PHKB: variants seen among roughly 807,000 people sequenced by gnomAD.
The protein encoded by PHKB is phosphorylase b kinase regulatory subunit beta.
In PHKB, 122 loss-of-function variants were observed where a neutral mutation model predicts 152.1. The ratio of observed to expected loss-of-function variants is 0.80; its 90% confidence interval spans 0.69 to 0.93. The LOEUF (loss-of-function observed/expected upper bound fraction) is 0.93. Ranked by LOEUF, PHKB falls within the 40% of genes least tolerant of loss-of-function variation. The pLI, the probability that PHKB is intolerant of heterozygous loss-of-function variation, is 0.00. For missense variants in PHKB, 1,304 were observed against 1,328.4 expected (o/e 0.98, Z 0.29); for synonymous variants, 436 against 464.9 (o/e 0.94, Z 0.80).
At position 47,461,367 on chromosome 16, in the gene PHKB, G is replaced by C; in HGVS notation, c.17G>C (p.Gly6Ala). ...CGGAGCGCGATGGCGGGGGCGGCGG[G>C]ACTCACGGCAGAAGTGAGCTGGAAG... MAGAA[G>A]LTAEVSWKVL... Residue 6 changes from glycine (G) to alanine (A), a missense_variant, in exon 1 of 31, where the codon GGA (glycine) becomes GCA (alanine). Physicochemically the swap from Gly to Ala is moderately conservative, Grantham distance 60. Coordinates refer to ENST00000323584, the MANE Select transcript of PHKB (RefSeq NM_000293.3). 1 of 1,611,778 alleles carries C rather than the reference G, an allele frequency of 6.2e-7. No homozygotes were observed. The highest frequency in any genetic ancestry group is 8.5e-7 in the Non-Finnish European group (1 of 1,179,470).
chr16:47,698,272 T>C (rs1457592521), intron 29 of PHKB, among the ~76,000 whole-genome samples, 176 bp from the exon 30 acceptor site: 1 of 152,208 alleles, frequency 6.6e-6, no homozygotes, highest in Non-Finnish European at 1.5e-5. Context: ...AGGTGCACTT[T>C]CCAAACAGAA....
At chr16:47,474,769 G>C (rs1040171615) in intron 1 of PHKB, among the ~76,000 whole-genome samples, 3 of 150,708 alleles carry the variant, frequency 2.0e-5, no homozygotes, top group African/African-American at 7.3e-5. Flanking sequence ...TTGTTGCTCA[G>C]GCTAGAGTGC....
In PHKB at chr16:47,664,980, C is replaced by A. The variant is rs761830512; in HGVS notation, c.2427+5C>A. The A allele has an allele frequency of 1.8e-5, 28 of 1,590,130 alleles. 1 individual carries two copies. In the South Asian group the frequency reaches 2.8e-4, roughly 16 times the overall value. On this transcript the variant is annotated splice_donor_5th_base_variant and intron_variant, in intron 25 of 30. Coordinates refer to ENST00000323584, the MANE Select transcript of PHKB (RefSeq NM_000293.3). ...TTTCTGGTACATGGGAAACAGGTAA[C>A]ATGCACAGAATTTGAAAACCCAAGC...
rs145835922 is a variant in PHKB, at chr16:47,486,096, C to G, written c.77-11303C>G. ...ATTAGATATTGTTCCTGTAATTGAT[C>G]GTCTTCCAATGTAGTATGGAAAATA... is the stretch of plus-strand genomic sequence containing the variant. On this transcript the variant is annotated intron_variant, in intron 1 of 30. Coordinates refer to ENST00000323584, the MANE Select transcript of PHKB (RefSeq NM_000293.3). Among the ~76,000 whole-genome samples, 175 of 152,136 alleles carry G rather than the reference C, an allele frequency of 1.2e-3. 2 individuals carry two copies. Among genetic ancestry groups the G allele is most frequent in the Non-Finnish European group, 2.0e-3 (133 of 68,012 alleles).
chr16:47,690,429 A>G (rs1358753486), intron 27 of PHKB, among the ~76,000 whole-genome samples: 1 of 152,214 alleles, frequency 6.6e-6, no homozygotes, highest in Non-Finnish European at 1.5e-5. Context: ...TAAAAACAAC[A>G]CTTTGTATGG....
At chr16:47,527,426 C>T (rs1423188843) in intron 6 of PHKB, among the ~76,000 whole-genome samples, 1 of 151,950 alleles carries the variant, frequency 6.6e-6, no homozygotes, top group Non-Finnish European at 1.5e-5. Context: ...AAACTGACCT[C>T]TTAAAAAATT....
At chr16:47,533,544 G>T (rs191076033) in intron 6 of PHKB, among the ~76,000 whole-genome samples, 1 of 152,332 alleles carries the variant, frequency 6.6e-6, no homozygotes, top group Non-Finnish European at 1.5e-5. Context: ...CCCAGAGTCT[G>T]GAGGGGGCCG....
chr16:47,576,566 C>T (rs1567312820), intron 7 of PHKB, among the ~76,000 whole-genome samples: 1 of 152,168 alleles, frequency 6.6e-6, no homozygotes, highest in Non-Finnish European at 1.5e-5. Flanking sequence ...GAAAAGTGTG[C>T]AAGTATCCAA....
chr16:47,632,644 A>C (rs1296196872), intron 14 of PHKB, among the ~76,000 whole-genome samples: 1 of 152,222 alleles, frequency 6.6e-6, no homozygotes, highest in African/African-American at 2.4e-5. Context: ...ATGTCACCAA[A>C]AACTTTTTCA....
At chr16:47,502,906 A>G in intron 3 of PHKB, 85 bp from the exon 4 acceptor site, 1 of 831,052 alleles carries the variant, frequency 1.2e-6, no homozygotes, top group Non-Finnish European at 2.0e-6. Flanking sequence ...GATTAGCCAG[A>G]TAGTTAAATA....
In PHKB at chr16:47,481,322, C is replaced by G. The variant is rs143167935; in HGVS notation, c.77-16077C>G. ...TCATATTTTATTGGCGCTTTTATCC[C>G]TCATCTGACATAATTAATGCTCTTC... is the stretch of plus-strand genomic sequence containing the variant. On this transcript the variant is annotated intron_variant, in intron 1 of 30. Coordinates refer to ENST00000323584, the MANE Select transcript of PHKB (RefSeq NM_000293.3). Among the ~76,000 whole-genome samples the G allele has an allele frequency of 3.9e-3, 596 of 152,278 alleles. 5 individuals are homozygous for G. Among genetic ancestry groups the G allele is most frequent in the African/African-American group, 0.014 (573 of 41,552 alleles).
intron 4 of PHKB, among the ~76,000 whole-genome samples, chr16:47,503,985 A>G (rs1440151893): frequency 6.6e-6 from 1 of 152,220 alleles, no homozygotes. Context: ...AGGTCCTAAT[A>G]TAGTAAGTGC....
intron 14 of PHKB, among the ~76,000 whole-genome samples, chr16:47,636,506 C>G (rs1192633881): frequency 3.3e-5 from 5 of 152,218 alleles, no homozygotes; most frequent in Non-Finnish European, 7.3e-5. Flanking sequence ...TGGGAAGCCC[C>G]CGGTCCCCAC....
chr16:47,484,575 AT>A (rs886418145), intron 1 of PHKB, among the ~76,000 whole-genome samples: 2 of 151,946 alleles, frequency 1.3e-5, no homozygotes, highest in Non-Finnish European at 2.9e-5. Flanking sequence ...TCAGTGAAGC[AT>A]TTTTTTTGGT....
chr16:47,685,411 C>T (rs1763950987), intron 26 of PHKB, among the ~76,000 whole-genome samples: 1 of 151,766 alleles, frequency 6.6e-6, no homozygotes, highest in Non-Finnish European at 1.5e-5. Context: ...GGTGACAGGG[C>T]GAGACTCCTC....
At chr16:47,594,037 C>G in intron 11 of PHKB, 100 bp from the exon 12 acceptor site, 1 of 653,072 alleles carries the variant, frequency 1.5e-6, no homozygotes. Context: ...AGAAAATTAC[C>G]AAAATAATTG....
Position 47,660,217 on chromosome 16 carries a change from T to C in PHKB, c.1972-289T>C, listed in dbSNP as rs1973414187. On this transcript the variant is annotated intron_variant, in intron 20 of 30. Transcript: ENST00000323584. ...GTTACTGAATTATTTTAATTCCAGA[T>C]TAAAAGTAAATGCCTGCAATTCTAA... Among the ~76,000 whole-genome samples, 3 of 152,214 alleles carry C rather than the reference T, an allele frequency of 2.0e-5. No homozygotes were observed. The South Asian group carries it at 6.2e-4, about 31-fold the overall frequency.
chr16:47,586,089 C>T (rs1971930460), intron 8 of PHKB, among the ~76,000 whole-genome samples: 1 of 152,156 alleles, frequency 6.6e-6, no homozygotes, highest in Non-Finnish European at 1.5e-5. Context: ...TAGCTATGGT[C>T]CTCACCTTCT....
At position 47,669,224 on chromosome 16, in the gene PHKB, G is replaced by C. The variant is rs777565101; in HGVS notation, c.2437G>C (p.Gly813Arg). 1 of 1,613,208 alleles carries C rather than the reference G, an allele frequency of 6.2e-7. No individual in the cohort carries two copies. The highest frequency in any genetic ancestry group is 1.1e-5 in the South Asian group (1 of 91,044). ...FLVHGKQVTLGAFGHEEEVIS... is the reference protein window; with the variant it reads ...FLVHGKQVTLRAFGHEEEVIS... ...ATTCTGCCACTTGTAGGTAACTCTG[G>C]GTGCCTTTGGGCATGAAGAAGAAGT... Residue 813 changes from glycine to arginine, a missense_variant, in exon 26 of 31, where the codon GGT becomes CGT. Physicochemically the swap from Gly to Arg is moderately radical, Grantham distance 125. Coordinates refer to ENST00000323584, the MANE Select transcript of PHKB (RefSeq NM_000293.3).
Sources: gnomAD v4.1 joint callset for allele counts (sites outside exome capture counted in the v4.1 genomes callset) on GRCh38, gnomAD v4.1.1 for gene constraint, MANE v1.5 for transcripts, NCBI Gene and HGNC (gene_info 2026-07-23, HGNC 2026-07-21) for gene names.